ZNF841: variants seen among roughly 807,000 people sequenced by gnomAD.
The protein encoded by ZNF841 is zinc finger protein 841, also known as TCONS_00006091.
ZNF841 carries 11 observed loss-of-function variants against 13.0 expected under a neutral mutation model. The ratio of observed to expected loss-of-function variants is 0.85; its 90% CI spans 0.53 to 1.40. The LOEUF is 1.40. Among genes scored for constraint, ZNF841 ranks in the 40% most tolerant of loss-of-function variants. ZNF841 has a pLI of 0.00. For missense variants in ZNF841, 1,068 were observed against 1,139.5 expected, an observed-to-expected ratio of 0.94 and a Z score of 0.90; for synonymous variants, 369 against 381.6, an observed-to-expected ratio of 0.97 and a Z score of 0.38.
At chr19:52,081,621 G>A (rs2088101963) in intron 4 of ZNF841, among the ~76,000 whole-genome samples, 1 of 152,246 alleles carries the variant, frequency 6.6e-6, no homozygotes, top group African/African-American at 2.4e-5. Context: ...GGGAGCCCAA[G>A]ATGGGGTAAT....
chr19:52,087,286 T>C (rs2088305758), intron 3 of ZNF841, among the ~76,000 whole-genome samples: 1 of 152,236 alleles, frequency 6.6e-6, no homozygotes, highest in African/African-American at 2.4e-5. Context: ...GTCATGGGGA[T>C]GTGTTGTACA....
At chr19:52,067,638 T>C in intron 6 of ZNF841, 28 bp from the exon 7 acceptor site, 1 of 1,374,290 alleles carries the variant, frequency 7.3e-7, no homozygotes, top group Non-Finnish European at 9.7e-7. Flanking sequence ...CATGGGGTTT[T>C]AAAATAACTA....
intron 6 of ZNF841, among the ~76,000 whole-genome samples, chr19:52,068,656 A>T (rs1272158214): frequency 1.3e-5 from 2 of 149,220 alleles, no homozygotes; most frequent in Non-Finnish European, 3.0e-5. Flanking sequence ...AGCCTGGGCG[A>T]CAGAGCAGTC....
chr19:52,066,165 T>C lies in ZNF841; in HGVS notation c.1717A>G (p.Lys573Glu). 6.2e-7 allele frequency: 1 copy of C among 1,612,014 alleles called. No individual in the cohort carries two copies. Among genetic ancestry groups the C allele is most frequent in the Non-Finnish European group, 8.5e-7 (1 of 1,179,362 alleles). ...HTGEKPLHCN[K>E]CGMVFTYYSC... ...TAGTAAGTGAAGACCATGCCACATT[T>C]ATTACAATGGAGAGGTTTCTCTCCA... Residue 573 changes from lysine to glutamate, a missense_variant, in exon 7 of 7, where the codon AAA becomes GAA. Physicochemically the swap from Lys to Glu is moderately conservative, Grantham distance 56. Coordinates refer to ENST00000594440, the MANE Select transcript of ZNF841 (RefSeq NM_001136499.2).
chr19:52,091,742 T>C (rs1467391539), intron 2 of ZNF841, among the ~76,000 whole-genome samples: 2 of 151,610 alleles, frequency 1.3e-5, no homozygotes, highest in African/African-American at 2.4e-5. Flanking sequence ...CCCCAGAAAA[T>C]AGAAAAAAAG....
intron 3 of ZNF841, among the ~76,000 whole-genome samples, chr19:52,087,153 G>A (rs1040444048): frequency 6.6e-6 from 1 of 152,192 alleles, no homozygotes; most frequent in Non-Finnish European, 1.5e-5. Flanking sequence ...AAGTAAAAAT[G>A]AATGACACAG....
chr19:52,066,444 T>C lies in ZNF841; in HGVS notation c.1438A>G (p.Thr480Ala). The change falls in exon 7 of 7, where the codon ACT becomes GCT. Residue 480 changes from threonine (T) to alanine (A), a missense_variant. By Grantham distance (58) the Thr-to-Ala change is moderately conservative. Coordinates refer to ENST00000594440, the MANE Select transcript of ZNF841 (RefSeq NM_001136499.2). ...SRLAGHRRIH[T>A]GEKPYKCNEC... ...TTACATTTGTAGGGTTTCTCTCCAGTATGAATTCTCCGGTGCCCTGCAAGA... is the reference window on the plus strand; with the variant it reads ...TTACATTTGTAGGGTTTCTCTCCAGCATGAATTCTCCGGTGCCCTGCAAGA... 6.2e-7 allele frequency: 1 copy of C among 1,614,044 alleles called. No individual in the cohort carries two copies. The highest frequency in any genetic ancestry group is 1.1e-5 in the South Asian group (1 of 91,080).
At chr19:52,089,746 C>A (rs180870573) in intron 2 of ZNF841, among the ~76,000 whole-genome samples, 2 of 152,310 alleles carry the variant, frequency 1.3e-5, no homozygotes, top group East Asian at 3.9e-4. Context: ...GTTCCACATA[C>A]CCCTTGCTCT....
chr19:52,073,245 C>T (rs937385394), intron 6 of ZNF841, among the ~76,000 whole-genome samples: 1 of 151,552 alleles, frequency 6.6e-6, no homozygotes, highest in Non-Finnish European at 1.5e-5. Context: ...TACAAAAATT[C>T]TAGAAGAAAA....
chr19:52,062,196 A>T (rs1447191405), downstream of ZNF841, among the ~76,000 whole-genome samples: 1 of 152,200 alleles, frequency 6.6e-6, no homozygotes, highest in East Asian at 1.9e-4. Context: ...CCTGGGCAAC[A>T]GGGTGGTGAC....
At position 52,066,986 on chromosome 19, in the gene ZNF841, T is replaced by A; in HGVS notation, c.896A>T (p.His299Leu). The part of the protein sequence containing the change: ...YRCNESGKAF[H>L]RGSLLTVHQI... ...ATGTACTGTTAGTAGTGAGCCCCGA[T>A]GAAAGGCTTTACCAGACTCATTGCA... The change falls in exon 7 of 7, where the codon CAT (histidine) becomes CTT (leucine). Residue 299 changes from histidine to leucine, a missense_variant. Physicochemically the swap from His to Leu is moderately conservative, Grantham distance 99 (BLOSUM62 -3). Coordinates refer to ENST00000594440, the MANE Select transcript of ZNF841 (RefSeq NM_001136499.2). The A allele has an allele frequency of 6.2e-7, 1 of 1,614,186 alleles. No individual in the cohort carries two copies. The highest frequency in any genetic ancestry group is 8.5e-7 in the Non-Finnish European group (1 of 1,180,020).
chr19:52,086,158 C>T (rs1355886685), intron 3 of ZNF841, among the ~76,000 whole-genome samples: 7 of 152,024 alleles, frequency 4.6e-5, no homozygotes, highest in Admixed American at 3.3e-4. Context: ...GACATGGAGA[C>T]GTGTAGGTGG....
At chr19:52,084,644 G>T in intron 4 of ZNF841, 143 bp downstream of exon 4, 1 of 852,080 alleles carries the variant, frequency 1.2e-6, no homozygotes, top group Non-Finnish European at 1.9e-6. Context: ...AAGTGCAGAA[G>T]AGAGGGACTG....
chr19:52,086,079 T>C (rs7250212), intron 3 of ZNF841, among the ~76,000 whole-genome samples: 32,124 of 151,956 alleles, frequency 0.21, 4,745 homozygotes, highest in African/African-American at 0.41. Flanking sequence ...ACCTGTTAGA[T>C]GGCTAAGCAG....
chr19:52,063,217 G>C (rs2087434567), downstream of ZNF841, among the ~76,000 whole-genome samples: 2 of 151,978 alleles, frequency 1.3e-5, no homozygotes, highest in Admixed American at 1.3e-4. Context: ...ACATTTGCAA[G>C]GTTTCTATCC....
At position 52,065,303 on chromosome 19, in the gene ZNF841, C is replaced by A; in HGVS notation, c.2579G>T (p.Arg860Leu). The change falls in exon 7 of 7, where the codon CGG becomes CTG. Residue 860 changes from arginine to leucine, a missense_variant. Transcript: ENST00000594440. ...KCMECGKAFG[R>L]RSCLTKHQRI... ...TTGGTGTTTAGTGAGGCAAGACCGC[C>A]GCCCAAACGCCTTGCCACATTCCAT... is the stretch of plus-strand genomic sequence containing the variant. The A allele has an allele frequency of 6.2e-7, 1 of 1,612,588 alleles. No homozygotes were observed.
intron 4 of ZNF841, among the ~76,000 whole-genome samples, chr19:52,079,187 C>T (rs896329273): frequency 2.6e-5 from 4 of 151,778 alleles, no homozygotes; most frequent in African/African-American, 9.7e-5. Flanking sequence ...TATTAAATGC[C>T]TATATTTAAA....
At chr19:52,084,925 C>T in intron 3 of ZNF841, 47 bp from the exon 4 acceptor site, 2 of 1,062,046 alleles carry the variant, frequency 1.9e-6, no homozygotes, top group South Asian at 1.6e-5. Context: ...CAACACATTC[C>T]TTTCTGTGCC....
At chr19:52,095,378 G>T (rs1483023128) in intron 1 of ZNF841, among the ~76,000 whole-genome samples, 197 bp downstream of exon 1, 1 of 152,182 alleles carries the variant, frequency 6.6e-6, no homozygotes, top group Non-Finnish European at 1.5e-5. Flanking sequence ...AGACGACGGA[G>T]GAGCTCGGGG....
Sources: gnomAD v4.1 joint callset for allele counts (sites outside exome capture counted in the v4.1 genomes callset) on GRCh38, gnomAD v4.1.1 for gene constraint, MANE v1.5 for transcripts, NCBI Gene and HGNC (gene_info 2026-07-23, HGNC 2026-07-21) for gene names.